SLC39A9: variants seen among roughly 807,000 people sequenced by gnomAD.
SLC39A9 encodes zinc transporter ZIP9.
SLC39A9 carries 14 observed loss-of-function variants against 28.4 expected under a neutral mutation model. That is an observed-to-expected ratio of 0.49 (90% CI 0.33 to 0.77). The LOEUF (loss-of-function observed/expected upper bound fraction) is 0.77. Among genes scored for constraint, SLC39A9 ranks in the 30% least tolerant of loss-of-function variants. SLC39A9 has a pLI of 0.02. For missense variants in SLC39A9, 283 were observed against 381.1 expected (o/e 0.74, Z 2.14); for synonymous variants, 119 against 149.6 (o/e 0.80, Z 1.49).
chr14:69,415,947 T>C (rs1451192397), intron 1 of SLC39A9, among the ~76,000 whole-genome samples: 4 of 152,162 alleles, frequency 2.6e-5, no homozygotes, highest in Admixed American at 2.6e-4. Context: ...TACTTTTAAG[T>C]TATAGGGTAC....
At chr14:69,445,883 T>G (rs1393221301) in intron 3 of SLC39A9, among the ~76,000 whole-genome samples, 2 of 152,162 alleles carry the variant, frequency 1.3e-5, no homozygotes, top group East Asian at 3.8e-4. Context: ...ACAGATGAAT[T>G]GTATTTCAAG....
In SLC39A9 at chr14:69,417,433, T is replaced by C. The variant is rs370758805; in HGVS notation, c.97-6661T>C. Among the ~76,000 whole-genome samples the C allele has an allele frequency of 3.9e-5, 6 of 152,378 alleles. No homozygotes were observed. In the East Asian group the frequency reaches 5.8e-4, roughly 15 times the overall value. ...ATGCCTCCAGCTTTGTTCTTTTTGC[T>C]TAGGATTGTCTTGGCAATGCGACCT... is the stretch of plus-strand genomic sequence containing the variant. On this transcript the variant is annotated intron_variant, in intron 1 of 6. Coordinates refer to ENST00000336643, the MANE Select transcript of SLC39A9 (RefSeq NM_018375.5).
intron 2 of SLC39A9, among the ~76,000 whole-genome samples, chr14:69,439,690 A>T (rs927620743): frequency 6.6e-6 from 1 of 152,150 alleles, no homozygotes; most frequent in Admixed American, 6.6e-5. Flanking sequence ...CGTCATGCAC[A>T]TATTGGTGCT....
In SLC39A9 at chr14:69,458,367, G is replaced by A. The variant is rs1257366163; in HGVS notation, c.698G>A (p.Ser233Asn). 1.2e-5 allele frequency: 20 copies of A among 1,614,014 alleles called. No homozygotes were observed. The highest frequency in any genetic ancestry group is 1.7e-5 in the Non-Finnish European group (20 of 1,180,054). The change falls in exon 7 of 7, where the codon AGT becomes AAT. Residue 233 changes from serine to asparagine, a missense_variant. Coordinates refer to ENST00000336643, the MANE Select transcript of SLC39A9 (RefSeq NM_018375.5). The stretch of plus-strand genomic sequence containing the variant: ...TTTCTCTCTTCTAATTCACAGAGCA[G>A]TAAAGAAGCCCTTTCAGAGGTGAAC... Reference protein sequence around the residue: ...MVTYLGLSKSSKEALSEVNAT... With the variant: ...MVTYLGLSKSNKEALSEVNAT...
intron 3 of SLC39A9, among the ~76,000 whole-genome samples, chr14:69,443,077 T>G (rs1275676): frequency 3.7e-4 from 57 of 152,218 alleles, no homozygotes; most frequent in Non-Finnish European, 7.1e-4. Flanking sequence ...GATCAATGAA[T>G]TTATCTTTGG....
chr14:69,456,683 G>A (rs564007139), intron 6 of SLC39A9, among the ~76,000 whole-genome samples: 2 of 152,318 alleles, frequency 1.3e-5, no homozygotes, highest in East Asian at 3.9e-4. Context: ...GCAGGCAACT[G>A]GAGGAAAATC....
At chr14:69,448,896 G>A (rs1190480410) in intron 3 of SLC39A9, among the ~76,000 whole-genome samples, 3 of 152,216 alleles carry the variant, frequency 2.0e-5, no homozygotes, top group African/African-American at 7.2e-5. Flanking sequence ...AAAAGAATGT[G>A]TGTGTGTACA....
chr14:69,440,032 C>T (rs971742152), intron 2 of SLC39A9, among the ~76,000 whole-genome samples: 17 of 152,246 alleles, frequency 1.1e-4, no homozygotes, highest in Admixed American at 7.8e-4. Flanking sequence ...AACTTACAAT[C>T]GTGGCGGAAA....
chr14:69,406,815 G>A (rs1882936948), intron 1 of SLC39A9, among the ~76,000 whole-genome samples: 1 of 149,690 alleles, frequency 6.7e-6, no homozygotes, highest in Admixed American at 6.7e-5. Flanking sequence ...GAAATAAAAT[G>A]GAAATAAATA....
rs1402286334 is a variant in SLC39A9, at chr14:69,455,739, C to G, written c.566C>G (p.Ala189Gly). 1 of 1,614,010 alleles carries G rather than the reference C, an allele frequency of 6.2e-7. No individual in the cohort carries two copies. Among genetic ancestry groups the G allele is most frequent in the African/African-American group, 1.3e-5 (1 of 74,938 alleles). Residue 189 changes from alanine (A) to glycine (G), a missense_variant, in exon 6 of 7, where the codon GCT becomes GGT. Physicochemically the swap from Ala to Gly is moderately conservative, Grantham distance 60. Coordinates refer to ENST00000336643, the MANE Select transcript of SLC39A9 (RefSeq NM_018375.5). Reference protein sequence around the residue: ...FVAIMLHKAPAAFGLVSFLMH... With the variant: ...FVAIMLHKAPGAFGLVSFLMH... The stretch of plus-strand genomic sequence containing the variant: ...ATGATTTTTTATTTCCAGGCACCAG[C>G]TGCTTTTGGACTGGTTTCCTTCTTG...
rs576312361 is a variant in SLC39A9 at position 69,449,459 on chromosome 14, T to C, written c.404-3782T>C. On this transcript the variant is annotated intron_variant, in intron 3 of 6. Coordinates refer to ENST00000336643, the MANE Select transcript of SLC39A9 (RefSeq NM_018375.5). ...AGGCAACAAAGCGAGACGCCGTCTC[T>C]ACAAAAATCTTAAAAATTAGCTGGG... is the stretch of plus-strand genomic sequence containing the variant. Among the ~76,000 whole-genome samples the C allele has an allele frequency of 6.6e-5, 10 of 152,234 alleles. No homozygotes were observed. The South Asian group carries it at 2.1e-3, about 32-fold the overall frequency.
intron 1 of SLC39A9, among the ~76,000 whole-genome samples, chr14:69,420,724 C>G (rs1883837607): frequency 6.6e-6 from 1 of 152,026 alleles, no homozygotes; most frequent in African/African-American, 2.4e-5. Context: ...CTCTAAACTT[C>G]TCACTTCATT....
chr14:69,458,968 G>A lies in SLC39A9; in HGVS notation c.*375G>A, dbSNP rs555221754. 2 of 1,001,570 alleles carry A rather than the reference G, an allele frequency of 2.0e-6. No individual in the cohort carries two copies. Among genetic ancestry groups the A allele is most frequent in the Non-Finnish European group, 2.4e-6 (2 of 839,496 alleles). 62.0% of individuals were successfully genotyped at this position (1,001,570 alleles called of 1,614,324 possible). ...ATACAGTGTTCTGTAATTAAGCTAT[G>A]TCTCTTTCTTCTTAGTTTAGAGGCT... On this transcript the variant is annotated 3_prime_UTR_variant, in exon 7 of 7. Coordinates refer to ENST00000336643, the MANE Select transcript of SLC39A9 (RefSeq NM_018375.5).
intron 1 of SLC39A9, among the ~76,000 whole-genome samples, chr14:69,417,226 T>G (rs774717861): frequency 1.9e-4 from 29 of 152,262 alleles, no homozygotes; most frequent in Non-Finnish European, 3.1e-4. Context: ...TATTAAATAG[T>G]GAATCCTTTC....
intron 6 of SLC39A9, among the ~76,000 whole-genome samples, chr14:69,457,187 C>T (rs35410490): frequency 0.43 from 63,259 of 148,018 alleles, 13,501 homozygotes; most frequent in Middle Eastern, 0.53. Flanking sequence ...TATATATACA[C>T]ACACACACAC....
intron 3 of SLC39A9, among the ~76,000 whole-genome samples, chr14:69,444,224 C>T (rs1396457454): frequency 6.6e-6 from 1 of 152,044 alleles, no homozygotes; most frequent in African/African-American, 2.4e-5. Flanking sequence ...TGCTAAATTT[C>T]AGAGGTTAGT....
At chr14:69,430,062 G>T (rs913923234) in intron 2 of SLC39A9, among the ~76,000 whole-genome samples, 9 of 152,058 alleles carry the variant, frequency 5.9e-5, no homozygotes, top group Non-Finnish European at 1.3e-4. Context: ...CCTTATTACT[G>T]AGTTTTGAGA....
chr14:69,403,660 C>T (rs1411743571), intron 1 of SLC39A9, among the ~76,000 whole-genome samples: 1 of 152,170 alleles, frequency 6.6e-6, no homozygotes, highest in African/African-American at 2.4e-5. Context: ...TCATATTGCT[C>T]TAAAAATTTC....
chr14:69,399,740 T>C (rs778111935), intron 1 of SLC39A9, among the ~76,000 whole-genome samples: 6 of 152,200 alleles, frequency 3.9e-5, no homozygotes, highest in Non-Finnish European at 5.9e-5. Flanking sequence ...GTTCTGTGCA[T>C]TTACCTGGAG....
Sources: allele counts gnomAD v4.1 joint callset (sites outside exome capture counted in the v4.1 genomes callset), GRCh38; gene constraint gnomAD v4.1.1; transcripts MANE v1.5; gene names NCBI Gene and HGNC (gene_info 2026-07-23, HGNC 2026-07-21).